The following ABCC12 variants were observed in gnomAD, a reference collection of about 807,000 sequenced individuals.
ABCC12 encodes ATP binding cassette subfamily C member 12, also known as ATP-binding cassette sub-family C member 12.
ABCC12 carries 142 observed loss-of-function variants against 151.1 expected under a neutral mutation model. The ratio of observed to expected loss-of-function variants is 0.94; its 90% CI spans 0.82 to 1.08. The LOEUF (loss-of-function observed/expected upper bound fraction) is 1.08, where lower values mean the gene tolerates loss of function less well. Among genes scored for constraint, ABCC12 ranks in the 50% least tolerant of loss-of-function variants. ABCC12 has a pLI of 0.00. For synonymous variants in ABCC12, 645 were observed against 646.4 expected, an observed-to-expected ratio of 1.00 and a Z score of 0.03; for missense variants, 1,638 against 1,691.1, an observed-to-expected ratio of 0.97 and a Z score of 0.55.
chr16:48,101,301 C>G (rs1045395474), intron 22 of ABCC12, among the ~76,000 whole-genome samples: 8 of 152,166 alleles, frequency 5.3e-5, no homozygotes, highest in Non-Finnish European at 5.9e-5. Context: ...CTTCTAAAAC[C>G]AAAATTTCTC....
chr16:48,134,248 T>C (rs769346931), intron 8 of ABCC12, among the ~76,000 whole-genome samples: 5 of 152,114 alleles, frequency 3.3e-5, no homozygotes, highest in African/African-American at 4.8e-5. Context: ...GGTGCTACCA[T>C]GAAATGCAGC....
At chr16:48,097,464 T>G (rs1301669472) in intron 23 of ABCC12, among the ~76,000 whole-genome samples, 1 of 152,188 alleles carries the variant, frequency 6.6e-6, no homozygotes, top group Non-Finnish European at 1.5e-5. Context: ...CTTATAAAGC[T>G]GGGAGCTTCT....
Position 48,083,161 on chromosome 16 carries a change from C to T in ABCC12, c.*554G>A, listed in dbSNP as rs1359788746. On this transcript the variant is annotated 3_prime_UTR_variant, in exon 31 of 31. Coordinates refer to ENST00000311303, the MANE Select transcript of ABCC12 (RefSeq NM_001393797.1). ...GGTTATTCTAACAGATCAATTGAAA[C>T]ATATAATATGATTTTTAAAAAAATT... 3.3e-5 allele frequency: 5 copies of T among 152,198 alleles called. No individual in the cohort carries two copies. Among genetic ancestry groups the T allele is most frequent in the Non-Finnish European group, 7.3e-5 (5 of 68,074 alleles). The allele number at this position is 152,198 out of a possible 1,614,324, so 9.4% of individuals were successfully genotyped here.
intron 18 of ABCC12, 57 bp from the exon 19 acceptor site, chr16:48,108,586 G>C: frequency 7.0e-7 from 1 of 1,436,766 alleles, no homozygotes; most frequent in Non-Finnish European, 9.8e-7. Flanking sequence ...GGCCCAGCGA[G>C]GTAGGCACGG....
chr16:48,145,181 G>A (rs1415950369), intron 3 of ABCC12, among the ~76,000 whole-genome samples: 1 of 152,156 alleles, frequency 6.6e-6, no homozygotes, highest in Non-Finnish European at 1.5e-5. Flanking sequence ...TCACCTTGGA[G>A]GGCTTAAATG....
At chr16:48,125,884 T>A (rs1964222469) in intron 11 of ABCC12, among the ~76,000 whole-genome samples, 1 of 152,230 alleles carries the variant, frequency 6.6e-6, no homozygotes, top group African/African-American at 2.4e-5. Flanking sequence ...GAGGTCTCCC[T>A]GCCTTTGTGG....
At chr16:48,115,248 G>A (rs990119764) in intron 15 of ABCC12, among the ~76,000 whole-genome samples, 167 bp downstream of exon 15, 6 of 152,144 alleles carry the variant, frequency 3.9e-5, no homozygotes, top group African/African-American at 1.4e-4. Flanking sequence ...TGGGCCTCCT[G>A]GGAGCCAGGA....
Position 48,082,240 on chromosome 16 carries a change from TG to T in ABCC12, c.*1474del, listed in dbSNP as rs1356061204. Among the ~76,000 whole-genome samples, 1 of 152,230 alleles carries T rather than the reference TG, an allele frequency of 6.6e-6. No individual in the cohort carries two copies. The highest frequency in any genetic ancestry group is 1.5e-5 in the Non-Finnish European group (1 of 68,034). The stretch of plus-strand genomic sequence containing the variant: ...GCAGGATCCATTGCTGCCAAGCTGC[TG>T]GGCCAGGGCTTTCATGCAGTTGCCA... On this transcript the variant is annotated 3_prime_UTR_variant, in exon 31 of 31. Coordinates refer to ENST00000311303, the MANE Select transcript of ABCC12 (RefSeq NM_001393797.1).
rs531916356 is a variant in ABCC12 at position 48,141,248 on chromosome 16, G to T, written c.381C>A (p.Ile127=). 1 of 1,614,034 alleles carries T rather than the reference G, an allele frequency of 6.2e-7. No homozygotes were observed. The highest frequency in any genetic ancestry group is 1.3e-5 in the African/African-American group (1 of 74,910). ...TGATGATGCACAGGATGTTGGCCAC[G>T]ATGTCCATCAACACGCGTGTCCTCT... ...KFQRTRVLMD[I]VANILCIIMA... Residue 127 remains isoleucine, a synonymous_variant, in exon 5 of 31, where the codon ATC becomes ATA. Transcript: ENST00000311303.
chr16:48,111,830 C>T lies in ABCC12; in HGVS notation c.2070G>A (p.Glu690=). 6.2e-7 allele frequency: 1 copy of T among 1,614,208 alleles called. No homozygotes were observed. The highest frequency in any genetic ancestry group is 8.5e-7 in the Non-Finnish European group (1 of 1,180,032). ...TCAGTTTTGCATAGCGCCCTCTCTCCTCCATTAACTCCTTGTGGGTTCCCT... is the reference window on the plus strand; with the variant it reads ...TCAGTTTTGCATAGCGCCCTCTCTCTTCCATTAACTCCTTGTGGGTTCCCT... The part of the protein sequence containing the change: ...CEKGTHKELM[E]ERGRYAKLIH... Residue 690 remains glutamate (E), a synonymous_variant, in exon 16 of 31, where the codon GAG becomes GAA. Coordinates refer to ENST00000311303, the MANE Select transcript of ABCC12 (RefSeq NM_001393797.1).
At chr16:48,109,738 G>A (rs528292441) in intron 18 of ABCC12, among the ~76,000 whole-genome samples, 249 of 152,360 alleles carry the variant, frequency 1.6e-3, no homozygotes, top group Non-Finnish European at 2.8e-3. Flanking sequence ...TGTGAGCAGA[G>A]CCTAATGAAC....
At position 48,146,472 on chromosome 16, in the gene ABCC12, A is replaced by G; in HGVS notation, c.-48T>C. On this transcript the variant is annotated splice_region_variant and 5_prime_UTR_variant, in exon 3 of 31. Transcript: ENST00000311303. ...GGGCTTTTGGCCTGGGGACACTTTC[A>G]CTCTATGGCAGAGAAATGGCAAAGG... The G allele has an allele frequency of 6.8e-7, 1 of 1,465,622 alleles. No homozygotes were observed. The highest frequency in any genetic ancestry group is 9.6e-7 in the Non-Finnish European group (1 of 1,046,948). 90.8% of individuals were successfully genotyped at this position (1,465,622 alleles called of 1,614,324 possible). A position where few individuals can be genotyped will look rare whatever the true frequency, so the allele number is the denominator to read the frequency against.
chr16:48,150,078 A>C (rs1449805538), intron 2 of ABCC12, among the ~76,000 whole-genome samples: 2 of 152,192 alleles, frequency 1.3e-5, no homozygotes, highest in African/African-American at 2.4e-5. Context: ...TATCCTTCTT[A>C]ATTATATATA....
chr16:48,147,370 T>C (rs1301455758), intron 2 of ABCC12, among the ~76,000 whole-genome samples: 1 of 152,114 alleles, frequency 6.6e-6, no homozygotes, highest in Admixed American at 6.6e-5. Context: ...AAATTCTCCT[T>C]TTTTACCTAA....
At chr16:48,083,864 C>T in intron 30 of ABCC12, 45 bp downstream of exon 30, 2 of 1,613,426 alleles carry the variant, frequency 1.2e-6, no homozygotes, top group Non-Finnish European at 1.7e-6. Context: ...AAAGCTCAAA[C>T]CACTGGACTT....
chr16:48,096,917 G>A lies in ABCC12; in HGVS notation c.3039-15C>T, dbSNP rs759920573. The A allele has an allele frequency of 1.2e-5, 19 of 1,613,928 alleles. No homozygotes were observed. Among genetic ancestry groups the A allele is most frequent in the African/African-American group, 9.3e-5 (7 of 74,908 alleles). ...AGAGGAGGTGACTGGAGTTTTCGTC[G>A]TTTAGCGTCTTAAACCTACAGTCAA... On this transcript the variant is annotated splice_polypyrimidine_tract_variant and intron_variant, in intron 23 of 30. Transcript: ENST00000311303.
chr16:48,134,957 C>T (rs950141887), intron 8 of ABCC12, among the ~76,000 whole-genome samples: 31 of 150,538 alleles, frequency 2.1e-4, no homozygotes, highest in African/African-American at 7.1e-4. Flanking sequence ...GAGGCTGAGG[C>T]AGGAGAATGG....
At chr16:48,095,832 A>T (rs1278514110) in intron 24 of ABCC12, among the ~76,000 whole-genome samples, 3 of 152,250 alleles carry the variant, frequency 2.0e-5, no homozygotes, top group African/African-American at 7.2e-5. Flanking sequence ...GAACACATGA[A>T]TAAAGACCCA....
rs577198207 is a variant in ABCC12, at chr16:48,139,224, A to G, written c.770T>C (p.Phe257Ser). Residue 257 changes from phenylalanine to serine, a missense_variant, in exon 7 of 31, where the codon TTC (phenylalanine) becomes TCC (serine). Phe to Ser is a radical substitution (Grantham distance 155). Transcript: ENST00000311303. ...LMVFCAAYAF[F>S]ILGPTALIGI... ...GATGAGAGCTGTGGGCCCCAGAATGAAAAAGGCGTACGCCGCACAAAAGAC... is the reference window on the plus strand; with the variant it reads ...GATGAGAGCTGTGGGCCCCAGAATGGAAAAGGCGTACGCCGCACAAAAGAC... The G allele has an allele frequency of 5.6e-6, 9 of 1,613,330 alleles. No individual in the cohort carries two copies. The highest frequency in any genetic ancestry group is 7.6e-6 in the Non-Finnish European group (9 of 1,179,716).
Sources: allele counts gnomAD v4.1 joint callset (sites outside exome capture counted in the v4.1 genomes callset), GRCh38; gene constraint gnomAD v4.1.1; transcripts MANE v1.5; gene names NCBI Gene and HGNC (gene_info 2026-07-23, HGNC 2026-07-21).